Variants in MCTP2 observed in about 807,000 individuals in gnomAD.
The protein encoded by MCTP2 is multiple C2 and transmembrane domain-containing protein 2.
A neutral mutation model predicts 111.6 loss-of-function variants in MCTP2; 132 were observed. The ratio of observed to expected loss-of-function variants is 1.18; its 90% CI spans 1.03 to 1.37. MCTP2 has a LOEUF of 1.37. MCTP2 is among the 40% of genes most tolerant of loss of function. The pLI is 0.00. For synonymous variants in MCTP2, 395 were observed against 387.7 expected (o/e 1.02, Z -0.22); for missense variants, 1,183 against 1,067.9 (o/e 1.11, Z -1.50).
At chr15:94,301,715 GT>G (rs2075621756) in intron 2 of MCTP2, among the ~76,000 whole-genome samples, 1 of 151,944 alleles carries the variant, frequency 6.6e-6, no homozygotes, top group African/African-American at 2.4e-5. Flanking sequence ...ATCATCTGTG[GT>G]TTTTGAAAAA....
intron 21 of MCTP2, among the ~76,000 whole-genome samples, chr15:94,471,910 T>A (rs1020548084): frequency 9.8e-5 from 15 of 152,376 alleles, no homozygotes; most frequent in African/African-American, 3.6e-4. Context: ...GATTGTTGTC[T>A]GACTCTAACC....
At chr15:94,239,355 A>T (rs1300830843) in intron 1 of MCTP2, among the ~76,000 whole-genome samples, 2 of 152,206 alleles carry the variant, frequency 1.3e-5, no homozygotes, top group African/African-American at 4.8e-5. Context: ...TTCATGAATA[A>T]TCTGGGGCTC....
rs562078483 is a variant in MCTP2, at chr15:94,328,378, T to C, written c.638-10912T>C. Reference sequence around the variant, plus strand: ...CTCCTGACCTCGTGATCCACCCGCCTTGGCCTCCCAAAGTGCTGGGATTCC... The same window carrying C: ...CTCCTGACCTCGTGATCCACCCGCCCTGGCCTCCCAAAGTGCTGGGATTCC... On this transcript the variant is annotated intron_variant, in intron 4 of 22. Transcript: ENST00000357742. Among the ~76,000 whole-genome samples, 24 of 152,282 alleles carry C rather than the reference T, an allele frequency of 1.6e-4. No homozygotes were observed. In the South Asian group the frequency reaches 5.0e-3, roughly 32 times the overall value.
intron 1 of MCTP2, among the ~76,000 whole-genome samples, chr15:94,234,707 T>G (rs2070419453): frequency 6.6e-6 from 1 of 152,226 alleles, no homozygotes; most frequent in Admixed American, 6.5e-5. Flanking sequence ...CCTTTGGCCA[T>G]TGGCTTTTCC....
intron 15 of MCTP2, 136 bp downstream of exon 15, chr15:94,399,198 CTG>C (rs2081429831): frequency 1.0e-5 from 6 of 585,082 alleles, no homozygotes; most frequent in Non-Finnish European, 1.9e-5. Flanking sequence ...TGTTTTAAAG[CTG>C]TGCATTTTAT....
At chr15:94,305,330 G>C (rs1335401631) in intron 2 of MCTP2, among the ~76,000 whole-genome samples, 1 of 152,180 alleles carries the variant, frequency 6.6e-6, no homozygotes, top group Non-Finnish European at 1.5e-5. Flanking sequence ...TTTTGTTATA[G>C]TCGCCTGAGC....
At position 94,269,518 on chromosome 15, in the gene MCTP2, A is replaced by G. The variant is rs139097640; in HGVS notation, c.-65-28683A>G. ...CTTATGAAGATTATTGAAAACTGATATCTCAGTGTTAATTTTCAGTGTGTC... is the reference window on the plus strand; with the variant it reads ...CTTATGAAGATTATTGAAAACTGATGTCTCAGTGTTAATTTTCAGTGTGTC... On this transcript the variant is annotated intron_variant, in intron 1 of 22. Coordinates refer to ENST00000357742, the MANE Select transcript of MCTP2 (RefSeq NM_001385001.1). Among the ~76,000 whole-genome samples, 5 of 152,344 alleles carry G rather than the reference A, an allele frequency of 3.3e-5. No homozygotes were observed. In the East Asian group the frequency reaches 9.6e-4, roughly 29 times the overall value.
At chr15:94,269,824 G>A (rs2073810800) in intron 1 of MCTP2, among the ~76,000 whole-genome samples, 1 of 152,058 alleles carries the variant, frequency 6.6e-6, no homozygotes, top group Non-Finnish European at 1.5e-5. Context: ...GTTATTCTCT[G>A]GGCTTGGTAA....
chr15:94,326,724 C>T (rs1452788716), intron 4 of MCTP2, among the ~76,000 whole-genome samples: 2 of 151,824 alleles, frequency 1.3e-5, no homozygotes, highest in Non-Finnish European at 2.9e-5. Flanking sequence ...TGGGCCACCA[C>T]GCCTGGCTAA....
At chr15:94,400,956 G>A (rs1003616853) in intron 16 of MCTP2, among the ~76,000 whole-genome samples, 1 of 152,158 alleles carries the variant, frequency 6.6e-6, no homozygotes, top group Non-Finnish European at 1.5e-5. Flanking sequence ...TGTAATCTGA[G>A]TAAATGTCTT....
At chr15:94,361,084 G>GGTT (rs2078909180) in intron 10 of MCTP2, among the ~76,000 whole-genome samples, 1 of 8,400 alleles carries the variant, frequency 1.2e-4, no homozygotes, top group East Asian at 4.3e-3. Context: ...AATATTTCAA[G>GGTT]TTTTTTTTTT....
chr15:94,300,553 A>T (rs1418517056), intron 2 of MCTP2, among the ~76,000 whole-genome samples: 1 of 151,896 alleles, frequency 6.6e-6, no homozygotes, highest in Non-Finnish European at 1.5e-5. Flanking sequence ...TTGATTAAAC[A>T]GAAATATTTG....
chr15:94,245,704 G>C (rs914673524), intron 1 of MCTP2, among the ~76,000 whole-genome samples: 1 of 137,404 alleles, frequency 7.3e-6, no homozygotes, highest in Non-Finnish European at 1.5e-5. Flanking sequence ...ATAAATATAT[G>C]TGTGTGTGTG....
At chr15:94,243,642 T>TAC (rs1330069733) in intron 1 of MCTP2, among the ~76,000 whole-genome samples, 4 of 138,400 alleles carry the variant, frequency 2.9e-5, no homozygotes, top group Non-Finnish European at 6.5e-5. Context: ...CGTATATACA[T>TAC]ATATATGTAT....
intron 17 of MCTP2, among the ~76,000 whole-genome samples, chr15:94,434,334 TCA>T (rs998554110): frequency 1.3e-5 from 2 of 151,872 alleles, no homozygotes; most frequent in Non-Finnish European, 1.5e-5. Context: ...CACCTTGGCC[TCA>T]CAAAGTGCTG....
chr15:94,330,460 A>G (rs1199085752), intron 4 of MCTP2, among the ~76,000 whole-genome samples: 1 of 152,180 alleles, frequency 6.6e-6, no homozygotes, highest in Non-Finnish European at 1.5e-5. Context: ...TTCACCCTTT[A>G]TACAGATTCT....
intron 2 of MCTP2, among the ~76,000 whole-genome samples, chr15:94,309,515 G>T (rs2076034397): frequency 6.6e-6 from 1 of 152,150 alleles, no homozygotes; most frequent in African/African-American, 2.4e-5. Context: ...TTGGCTTCCT[G>T]TGTGTGCCTC....
intron 1 of MCTP2, among the ~76,000 whole-genome samples, chr15:94,287,181 G>A (rs2074798498): frequency 6.6e-6 from 1 of 151,594 alleles, no homozygotes; most frequent in African/African-American, 2.4e-5. Flanking sequence ...TTGTTCATTG[G>A]AGAAGTAACA....
rs141956729 is a variant in MCTP2 at position 94,418,865 on chromosome 15, A to G, written c.2085+16846A>G. On this transcript the variant is annotated intron_variant, in intron 17 of 22. Coordinates refer to ENST00000357742, the MANE Select transcript of MCTP2 (RefSeq NM_001385001.1). ...CTTTTCCCCCTGTTTAAAAATGTCC[A>G]TTAATGTATTCTAAAGAGGAAAATA... Among the ~76,000 whole-genome samples, 1,432 of 152,256 alleles carry G rather than the reference A, an allele frequency of 9.4e-3. 13 individuals carry two copies. The highest frequency in any genetic ancestry group is 0.014 in the Non-Finnish European group (964 of 67,992).
Sources: allele counts gnomAD v4.1 joint callset (sites outside exome capture counted in the v4.1 genomes callset), GRCh38; gene constraint gnomAD v4.1.1; transcripts MANE v1.5; gene names NCBI Gene and HGNC (gene_info 2026-07-23, HGNC 2026-07-21).